The following ESRRG variants were observed in gnomAD, a reference collection of about 807,000 sequenced individuals.
ESRRG encodes the protein estrogen related receptor gamma.
A neutral mutation model predicts 44.0 loss-of-function variants in ESRRG; 13 were observed. The ratio of observed to expected loss-of-function variants is 0.30; its 90% CI spans 0.19 to 0.47. The LOEUF (loss-of-function observed/expected upper bound fraction) is 0.47, where lower values mean the gene tolerates loss of function less well. ESRRG is among the 20% of genes least tolerant of loss of function. ESRRG has a pLI of 1.00. For missense variants in ESRRG, 395 were observed against 580.6 expected (o/e 0.68, Z 3.29); for synonymous variants, 215 against 214.6 (o/e 1.00, Z -0.02).
chr1:217,096,808 T>G (rs1472647363), intron 1 of ESRRG, among the ~76,000 whole-genome samples: 1 of 152,178 alleles, frequency 6.6e-6, no homozygotes, highest in Non-Finnish European at 1.5e-5. Context: ...AAAAGATGTT[T>G]TAGTTATTTT....
chr1:216,633,524 A>C (rs569287753), intron 3 of ESRRG, among the ~76,000 whole-genome samples: 47 of 152,352 alleles, frequency 3.1e-4, no homozygotes, highest in African/African-American at 1.1e-3. Flanking sequence ...TATTATGTAC[A>C]CAATGCCCCA....
chr1:216,741,988 C>T (rs1278091199), intron 2 of ESRRG, among the ~76,000 whole-genome samples: 1 of 152,124 alleles, frequency 6.6e-6, no homozygotes, highest in Non-Finnish European at 1.5e-5. Flanking sequence ...ATATGCCATT[C>T]TCAAGTACTT....
intron 2 of ESRRG, among the ~76,000 whole-genome samples, chr1:216,906,005 C>T (rs1363554039): frequency 1.3e-5 from 2 of 152,202 alleles, no homozygotes; most frequent in Non-Finnish European, 2.9e-5. Flanking sequence ...GCCACCTTGG[C>T]CTCACAAAGT....
chr1:217,120,216 G>A (rs1329082715), intron 1 of ESRRG, among the ~76,000 whole-genome samples: 1 of 151,882 alleles, frequency 6.6e-6, no homozygotes, highest in African/African-American at 2.4e-5. Context: ...ATACATCCAG[G>A]AATACTGGAA....
intron 5 of ESRRG, among the ~76,000 whole-genome samples, chr1:216,524,213 C>A (rs576891328): frequency 9.8e-4 from 134 of 136,516 alleles, no homozygotes; most frequent in Admixed American, 1.6e-3. Context: ...TTGTAGGAAA[C>A]TTTATATATA....
intron 3 of ESRRG, among the ~76,000 whole-genome samples, chr1:216,614,708 C>G (rs1231565104): frequency 6.6e-6 from 1 of 152,162 alleles, no homozygotes; most frequent in Non-Finnish European, 1.5e-5. Context: ...AGAGTTGGTT[C>G]TAAAAATGGA....
chr1:216,513,066 T>A (rs562801535), intron 6 of ESRRG, among the ~76,000 whole-genome samples: 107 of 152,286 alleles, frequency 7.0e-4, no homozygotes, highest in African/African-American at 2.6e-3. Context: ...ACGTTTGACA[T>A]CCAGAACTGT....
intron 1 of ESRRG, among the ~76,000 whole-genome samples, chr1:216,713,085 A>C (rs925054822): frequency 6.6e-6 from 1 of 152,230 alleles, no homozygotes; most frequent in Non-Finnish European, 1.5e-5. Flanking sequence ...AGTGTGTCAC[A>C]GTGATCTCAT....
chr1:217,035,665 C>T (rs1420580734), intron 1 of ESRRG, among the ~76,000 whole-genome samples: 2 of 146,114 alleles, frequency 1.4e-5, no homozygotes, highest in Non-Finnish European at 3.0e-5. Context: ...AAAGTAAAAA[C>T]TCTAGGGATT....
chr1:216,567,980 G>C lies in ESRRG; in HGVS notation c.700+8C>G. 8.2e-6 allele frequency: 13 copies of C among 1,585,918 alleles called. No individual in the cohort carries two copies. The highest frequency in any genetic ancestry group is 1.0e-5 in the Non-Finnish European group (12 of 1,154,452). ...TTCTGGGAAGCCAGACACATCTGCT[G>C]TACTTACATGGCTTTTTGGCTGGCT... On this transcript the variant is annotated splice_region_variant and intron_variant, in intron 4 of 6. Transcript: ENST00000408911.
Position 217,009,702 on chromosome 1 carries a change from CTTTTT to C in ESRRG, c.-105-70034_-105-70030del, listed in dbSNP as rs11325118. Among the ~76,000 whole-genome samples, 3 of 106,358 alleles carry C rather than the reference CTTTTT, an allele frequency of 2.8e-5. 1 individual carries two copies. The East Asian group carries it at 8.0e-4, about 28-fold the overall frequency. The allele number at this position is 106,358 out of a possible 152,430, so 69.8% of individuals were successfully genotyped here. ...TGAGTATAGTTTCCTTTTTCTTTTT[CTTTTT>C]TTTTTTTTTTTTTTTTGAGATGGAG... On this transcript the variant is annotated intron_variant, in intron 1 of 7. Coordinates refer to the ESRRG transcript ENST00000359162.
chr1:216,945,714 C>A (rs1247822382), intron 1 of ESRRG, among the ~76,000 whole-genome samples: 1 of 152,142 alleles, frequency 6.6e-6, no homozygotes, highest in Non-Finnish European at 1.5e-5. Flanking sequence ...CAAGAAATTG[C>A]ATCATTCACA....
rs775509916 is a variant in ESRRG, at chr1:216,868,236, C to T, written c.-14+71346G>A. 1.3e-5 allele frequency among the ~76,000 whole-genome samples: 2 copies of T among 151,814 alleles called. 1 individual carries two copies. Among genetic ancestry groups the T allele is most frequent in the South Asian group, 4.2e-4 (2 of 4,796 alleles). On this transcript the variant is annotated intron_variant, in intron 2 of 7. Transcript: ENST00000359162. ...CCAAGTAGCTTGGATTACAGGCATG[C>T]GCCACCATGCCCAGTTAATTTATTT...
chr1:216,694,524 C>T (rs963228958), intron 1 of ESRRG, among the ~76,000 whole-genome samples: 14 of 151,870 alleles, frequency 9.2e-5, no homozygotes, highest in African/African-American at 3.4e-4. Flanking sequence ...TGTTTCTTTT[C>T]TTTTTTCTTT....
Position 216,677,731 on chromosome 1 carries a change from T to A in ESRRG, c.57-240A>T, listed in dbSNP as rs11117658. On this transcript the variant is annotated intron_variant, in intron 1 of 6. Coordinates refer to ENST00000408911, the MANE Select transcript of ESRRG (RefSeq NM_001438.4). ...TACTTCTTGTTCTACAAGAAGGTAA[T>A]CAGCATAAGGGCATGACAGGGTTAC... is the stretch of plus-strand genomic sequence containing the variant. Among the ~76,000 whole-genome samples, 23,455 of 152,178 alleles carry A rather than the reference T, an allele frequency of 0.15. 2,273 individuals are homozygous for A. Among genetic ancestry groups the A allele is most frequent in the South Asian group, 0.32 (1,549 of 4,818 alleles).
chr1:216,706,746 A>G (rs544025379), intron 1 of ESRRG, among the ~76,000 whole-genome samples: 3 of 152,318 alleles, frequency 2.0e-5, no homozygotes, highest in African/African-American at 2.4e-5. Context: ...TAATCCTTCT[A>G]TAAACTTAAC....
intron 2 of ESRRG, among the ~76,000 whole-genome samples, chr1:216,672,730 T>C (rs797020877): frequency 2.6e-5 from 4 of 151,874 alleles, no homozygotes; most frequent in African/African-American, 7.2e-5. Flanking sequence ...TAGGTAGGCA[T>C]GGTAGTGCAT....
chr1:216,570,649 C>T (rs939912735), intron 3 of ESRRG, among the ~76,000 whole-genome samples: 26 of 152,092 alleles, frequency 1.7e-4, no homozygotes, highest in Admixed American at 6.6e-4. Flanking sequence ...TATATCCTCA[C>T]GTTTGTCATC....
chr1:216,748,028 G>A (rs1384686587), intron 2 of ESRRG, among the ~76,000 whole-genome samples: 1 of 152,154 alleles, frequency 6.6e-6, no homozygotes, highest in African/African-American at 2.4e-5. Flanking sequence ...TTGAAATAGA[G>A]TTATTACTCT....
Sources: gnomAD v4.1 joint callset for allele counts (sites outside exome capture counted in the v4.1 genomes callset) on GRCh38, gnomAD v4.1.1 for gene constraint, MANE v1.5 for transcripts, NCBI Gene and HGNC (gene_info 2026-07-23, HGNC 2026-07-21) for gene names.